CIB4: variants seen among roughly 807,000 people sequenced by gnomAD.
The protein encoded by CIB4 is calcium and integrin binding family member 4, also known as calcium and integrin-binding family member 4.
Under a neutral mutation model 25.8 loss-of-function variants are expected in CIB4, and 25 were observed. The ratio of observed to expected loss-of-function variants is 0.97; its 90% CI spans 0.71 to 1.35. The LOEUF (loss-of-function observed/expected upper bound fraction) is 1.35, where lower values mean the gene tolerates loss of function less well. Ranked by LOEUF, CIB4 falls within the 40% of genes most tolerant of loss-of-function variation. The pLI, the probability that CIB4 is intolerant of heterozygous loss-of-function variation, is 0.00. For synonymous variants in CIB4, 75 were observed against 81.4 expected (o/e 0.92, Z 0.42); for missense variants, 235 against 228.2 (o/e 1.03, Z -0.19).
At chr2:26,606,971 G>C (rs754463588) in intron 3 of CIB4, among the ~76,000 whole-genome samples, 6 of 152,162 alleles carry the variant, frequency 3.9e-5, no homozygotes, top group Non-Finnish European at 8.8e-5. Flanking sequence ...AACAGCCATG[G>C]GATCATGTGG....
intron 4 of CIB4, among the ~76,000 whole-genome samples, chr2:26,591,925 AT>A (rs1668593632): frequency 6.6e-6 from 1 of 152,212 alleles, no homozygotes; most frequent in Non-Finnish European, 1.5e-5. Context: ...TCATGAGCAG[AT>A]TCCCCCAGTC....
chr2:26,585,622 AT>A (rs1195315416), intron 4 of CIB4, among the ~76,000 whole-genome samples: 1 of 152,128 alleles, frequency 6.6e-6, no homozygotes, highest in African/African-American at 2.4e-5. Context: ...AGTTCACTGC[AT>A]TTAATCCTTC....
intron 3 of CIB4, among the ~76,000 whole-genome samples, chr2:26,608,272 G>C (rs1404773502): frequency 6.6e-6 from 1 of 151,594 alleles, no homozygotes; most frequent in Admixed American, 6.6e-5. Context: ...AGTGGGTCTG[G>C]TGAGAAGGGG....
chr2:26,591,693 G>A (rs2148194094), intron 4 of CIB4, among the ~76,000 whole-genome samples: 1 of 152,312 alleles, frequency 6.6e-6, no homozygotes, highest in Admixed American at 6.5e-5. Flanking sequence ...AAAGTGATGG[G>A]CTGTCACCTC....
rs866531832 is a variant in CIB4, at chr2:26,606,037, G to C, written c.187-10720C>G. On this transcript the variant is annotated intron_variant, in intron 3 of 6. Transcript: ENST00000288861. ...TACTCAGAGAACAGGCCAAGGGCAG[G>C]GGGGAGGCGCGGGGGAGGGCGAATG... is the stretch of plus-strand genomic sequence containing the variant. Among the ~76,000 whole-genome samples, 6 of 152,222 alleles carry C rather than the reference G, an allele frequency of 3.9e-5. No homozygotes were observed. The South Asian group carries it at 8.3e-4, about 21-fold the overall frequency.
In CIB4 at chr2:26,629,522, T is replaced by C. The variant is rs1284652719; in HGVS notation, c.90-16A>G. 6.5e-7 allele frequency: 1 copy of C among 1,530,752 alleles called. No homozygotes were observed. The highest frequency in any genetic ancestry group is 8.9e-7 in the Non-Finnish European group (1 of 1,124,872). The allele number at this position is 1,530,752 out of a possible 1,614,324, so 94.8% of individuals were successfully genotyped here. ...GTCATGGATGCTGAAAAGAGAGGCA[T>C]GAAGACCGTGTGGCCGGGGAAAGGA... On this transcript the variant is annotated splice_polypyrimidine_tract_variant and intron_variant, in intron 2 of 6. Coordinates refer to ENST00000288861, the MANE Select transcript of CIB4 (RefSeq NM_001029881.3).
chr2:26,595,368 G>A lies in CIB4; in HGVS notation c.187-51C>T, dbSNP rs190973854. 1.9e-4 allele frequency: 304 copies of A among 1,572,164 alleles called. 1 individual carries two copies. Among genetic ancestry groups the A allele is most frequent in the Non-Finnish European group, 2.4e-4 (274 of 1,148,098 alleles). On this transcript the variant is annotated intron_variant, in intron 3 of 6. Transcript: ENST00000288861. ...GGAGGTCTATCAGGGTCGGGGCTGT[G>A]TCTCCCTGGGTCTCTCTCATCTATT...
intron 3 of CIB4, 63 bp from the exon 4 acceptor site, chr2:26,595,380 C>G (rs1668664091): frequency 1.9e-5 from 30 of 1,543,162 alleles, no homozygotes; most frequent in Non-Finnish European, 2.6e-5. Flanking sequence ...CTCCCTGGGT[C>G]TCTCTCATCT....
At chr2:26,624,247 A>G (rs2148219906) in intron 3 of CIB4, among the ~76,000 whole-genome samples, 2 of 152,332 alleles carry the variant, frequency 1.3e-5, no homozygotes, top group Non-Finnish European at 2.9e-5. Flanking sequence ...CAGTTCTCAA[A>G]GCCTATTCCA....
intron 2 of CIB4, 139 bp downstream of exon 2, chr2:26,640,394 T>C (rs1193521387): frequency 2.4e-6 from 2 of 850,844 alleles, no homozygotes; most frequent in Non-Finnish European, 3.6e-6. Flanking sequence ...CTGCCTGCCG[T>C]GTCCCAGCCC....
chr2:26,640,645 A>T, intron 1 of CIB4, 78 bp from the exon 2 acceptor site: 3 of 1,443,202 alleles, frequency 2.1e-6, no homozygotes, highest in Non-Finnish European at 2.9e-6. Context: ...CGCAATTCAG[A>T]GGCTGGGGAG....
At chr2:26,611,356 T>C (rs547789645) in intron 3 of CIB4, among the ~76,000 whole-genome samples, 1 of 152,326 alleles carries the variant, frequency 6.6e-6, no homozygotes, top group East Asian at 1.9e-4. Context: ...GAGCTGCCTA[T>C]TGAAAAACCA....
intron 3 of CIB4, among the ~76,000 whole-genome samples, chr2:26,596,778 T>C (rs1572547039): frequency 6.6e-6 from 1 of 150,566 alleles, no homozygotes; most frequent in African/African-American, 2.4e-5. Context: ...GCTTATACAG[T>C]GATTTGTAAT....
chr2:26,583,704 G>T (rs1572535183), intron 5 of CIB4, 85 bp downstream of exon 5: 1 of 862,696 alleles, frequency 1.2e-6, no homozygotes, highest in Non-Finnish European at 2.0e-6. Flanking sequence ...CTCCCAAGAG[G>T]GTGGCCTGAC....
intron 4 of CIB4, among the ~76,000 whole-genome samples, chr2:26,594,845 G>T (rs973956334): frequency 6.6e-6 from 1 of 152,020 alleles, no homozygotes; most frequent in Admixed American, 6.6e-5. Context: ...CCCATCCAAC[G>T]CTCCTTCTGC....
chr2:26,630,939 C>T (rs1669406582), intron 2 of CIB4, among the ~76,000 whole-genome samples: 1 of 152,108 alleles, frequency 6.6e-6, no homozygotes, highest in Non-Finnish European at 1.5e-5. Context: ...ACCACCCTGA[C>T]CCAGACCTGC....
At chr2:26,583,043 C>CA in intron 5 of CIB4, 130 bp from the exon 6 acceptor site, 2 of 620,026 alleles carry the variant, frequency 3.2e-6, no homozygotes, top group Non-Finnish European at 2.9e-6. Context: ...CCTGGGTCCC[C>CA]TGACCCCAGT....
chr2:26,594,554 A>T (rs890470081), intron 4 of CIB4, among the ~76,000 whole-genome samples: 10 of 152,200 alleles, frequency 6.6e-5, no homozygotes, highest in African/African-American at 2.4e-4. Flanking sequence ...TGCACTGAAG[A>T]CTTGCACCTG....
intron 3 of CIB4, among the ~76,000 whole-genome samples, chr2:26,600,742 A>G (rs1668766318): frequency 6.6e-6 from 1 of 152,212 alleles, no homozygotes; most frequent in African/African-American, 2.4e-5. Flanking sequence ...ATGGGTTAGA[A>G]GGCTCAATAT....
Sources: allele counts gnomAD v4.1 joint callset (sites outside exome capture counted in the v4.1 genomes callset), GRCh38; gene constraint gnomAD v4.1.1; transcripts MANE v1.5; gene names NCBI Gene and HGNC (gene_info 2026-07-23, HGNC 2026-07-21).